FSTL5: variants seen among roughly 807,000 people sequenced by gnomAD.
FSTL5 encodes follistatin like 5.
In FSTL5, 62 loss-of-function variants were observed where a neutral mutation model predicts 89.1. That is an observed-to-expected ratio of 0.70 (90% CI 0.57 to 0.86). The LOEUF (loss-of-function observed/expected upper bound fraction) is 0.86, where lower values mean the gene tolerates loss of function less well. FSTL5 is among the 40% of genes least tolerant of loss of function. FSTL5 has a pLI of 0.00. For missense variants in FSTL5, 1,057 were observed against 1,001.6 expected (o/e 1.06, Z -0.75); for synonymous variants, 383 against 346.2 (o/e 1.11, Z -1.18).
Position 161,851,246 on chromosome 4 carries a change from A to G in FSTL5, c.409+69158T>C, listed in dbSNP as rs186642194. Among the ~76,000 whole-genome samples the G allele has an allele frequency of 1.6e-4, 25 of 152,334 alleles. No individual in the cohort carries two copies. In the East Asian group the frequency reaches 4.8e-3, roughly 29 times the overall value. Reference sequence around the variant, plus strand: ...AGATTTGGAAGTTGATTATCCTGACACCATCTTTCTCTTTTAATTGAAATA... The same window carrying G: ...AGATTTGGAAGTTGATTATCCTGACGCCATCTTTCTCTTTTAATTGAAATA... On this transcript the variant is annotated intron_variant, in intron 4 of 15. Coordinates refer to ENST00000306100, the MANE Select transcript of FSTL5 (RefSeq NM_020116.5).
At chr4:161,406,101 C>T (rs1731365731) in intron 15 of FSTL5, among the ~76,000 whole-genome samples, 1 of 151,986 alleles carries the variant, frequency 6.6e-6, no homozygotes, top group Admixed American at 6.6e-5. Flanking sequence ...AACAGAAACT[C>T]CCAAACTTAT....
chr4:161,470,045 G>A (rs898944347), intron 13 of FSTL5, among the ~76,000 whole-genome samples: 8 of 151,960 alleles, frequency 5.3e-5, no homozygotes, highest in African/African-American at 1.5e-4. Flanking sequence ...TATGTGGGTT[G>A]TCCTTTTACT....
rs188406373 is a variant in FSTL5, at chr4:161,577,273, A to G, written c.1015+10182T>C. Among the ~76,000 whole-genome samples the G allele has an allele frequency of 1.4e-3, 211 of 152,216 alleles. 1 individual carries two copies. Among genetic ancestry groups the G allele is most frequent in the African/African-American group, 4.8e-3 (200 of 41,538 alleles). On this transcript the variant is annotated intron_variant, in intron 8 of 15. Transcript: ENST00000306100. Reference sequence around the variant, plus strand: ...CTTTTTACAAATGAGGGTCTTAGGAAAACTTTCCTCTAACCCATACAACTT... The same window carrying G: ...CTTTTTACAAATGAGGGTCTTAGGAGAACTTTCCTCTAACCCATACAACTT...
chr4:161,693,636 C>CTTTTTTTTTTT (rs5863476), intron 6 of FSTL5, among the ~76,000 whole-genome samples: 3 of 105,288 alleles, frequency 2.8e-5, no homozygotes, highest in Non-Finnish European at 5.2e-5. Context: ...TCTTGTAAAT[C>CTTTTTTTTTTT]TTTTTTTTTT....
chr4:162,148,439 T>C (rs932805601), intron 1 of FSTL5, among the ~76,000 whole-genome samples: 1 of 152,208 alleles, frequency 6.6e-6, no homozygotes, highest in Non-Finnish European at 1.5e-5. Flanking sequence ...ATATCTAATA[T>C]ATTTATGATT....
intron 7 of FSTL5, among the ~76,000 whole-genome samples, chr4:161,623,686 T>C (rs1028635819): frequency 6.6e-6 from 1 of 151,942 alleles, no homozygotes; most frequent in African/African-American, 2.4e-5. Flanking sequence ...AATTATGGTG[T>C]TGTATTTAGT....
At chr4:161,783,554 T>C (rs1197325758) in intron 4 of FSTL5, among the ~76,000 whole-genome samples, 1 of 151,460 alleles carries the variant, frequency 6.6e-6, no homozygotes, top group Non-Finnish European at 1.5e-5. Context: ...TATGTCTGCT[T>C]TCTTTCTTTT....
chr4:161,432,903 A>G (rs1181672705), intron 15 of FSTL5, among the ~76,000 whole-genome samples: 1 of 152,044 alleles, frequency 6.6e-6, no homozygotes, highest in Non-Finnish European at 1.5e-5. Flanking sequence ...ACCTGAACAT[A>G]CTAATAACAA....
intron 4 of FSTL5, among the ~76,000 whole-genome samples, chr4:161,869,126 A>C (rs747400267): frequency 1.3e-5 from 2 of 151,164 alleles, no homozygotes; most frequent in Middle Eastern, 3.4e-3. Flanking sequence ...CTTGAACCCA[A>C]GAGGCGGAGG....
At chr4:161,979,512 TC>T (rs1380267324) in intron 3 of FSTL5, among the ~76,000 whole-genome samples, 1 of 151,982 alleles carries the variant, frequency 6.6e-6, no homozygotes, top group Admixed American at 6.6e-5. Context: ...AAAATCTTCC[TC>T]CCCCTTTCCT....
chr4:161,640,394 T>G (rs1003264642), intron 7 of FSTL5, among the ~76,000 whole-genome samples: 1 of 152,096 alleles, frequency 6.6e-6, no homozygotes, highest in African/African-American at 2.4e-5. Context: ...TTCTAGTTTC[T>G]CAAAGAACTA....
intron 4 of FSTL5, among the ~76,000 whole-genome samples, chr4:161,833,544 G>A (rs1281224898): frequency 1.4e-5 from 2 of 145,220 alleles, no homozygotes; most frequent in Admixed American, 7.1e-5. Context: ...CTCAGGACTT[G>A]CTTTATGAAT....
At chr4:161,842,437 T>G (rs1476787532) in intron 4 of FSTL5, among the ~76,000 whole-genome samples, 1 of 152,190 alleles carries the variant, frequency 6.6e-6, no homozygotes, top group East Asian at 1.9e-4. Flanking sequence ...AATTGGTATC[T>G]CTTTATATGT....
At chr4:161,716,411 A>AC in intron 6 of FSTL5, among the ~76,000 whole-genome samples, 1 of 152,226 alleles carries the variant, frequency 6.6e-6, no homozygotes, top group East Asian at 1.9e-4. Context: ...AGCCTGGCCA[A>AC]CATGGCAAAA....
chr4:161,867,302 C>T (rs546587736), intron 4 of FSTL5, among the ~76,000 whole-genome samples: 1 of 152,004 alleles, frequency 6.6e-6, no homozygotes, highest in East Asian at 1.9e-4. Context: ...AAGTTAATGC[C>T]TTAAGCAGTA....
intron 2 of FSTL5, among the ~76,000 whole-genome samples, chr4:162,038,522 A>T (rs1737825918): frequency 6.6e-6 from 1 of 151,950 alleles, no homozygotes; most frequent in South Asian, 2.1e-4. Flanking sequence ...GTAGTTGTAC[A>T]AATGAGCTGT....
At chr4:161,601,890 T>C (rs929480605) in intron 7 of FSTL5, among the ~76,000 whole-genome samples, 1 of 152,084 alleles carries the variant, frequency 6.6e-6, no homozygotes, top group Admixed American at 6.6e-5. Flanking sequence ...TCCACTACCT[T>C]GCACAGAATA....
chr4:161,705,958 A>ATGTGTG (rs1233550387), intron 6 of FSTL5, among the ~76,000 whole-genome samples: 5,723 of 52,888 alleles, frequency 0.11, 459 homozygotes, highest in South Asian at 0.39. Context: ...GTGTGTATAT[A>ATGTGTG]TATATATATA....
chr4:161,916,984 G>T (rs1411835672), intron 4 of FSTL5, among the ~76,000 whole-genome samples: 1 of 152,076 alleles, frequency 6.6e-6, no homozygotes, highest in Admixed American at 6.5e-5. Flanking sequence ...GTCTTGCTCT[G>T]CCACCCAGGC....
Sources: gnomAD v4.1 joint callset for allele counts (sites outside exome capture counted in the v4.1 genomes callset) on GRCh38, gnomAD v4.1.1 for gene constraint, MANE v1.5 for transcripts, NCBI Gene and HGNC (gene_info 2026-07-23, HGNC 2026-07-21) for gene names.